KSR1: variants seen among roughly 807,000 people sequenced by gnomAD.
KSR1 encodes kinase suppressor of ras 1, also known as kinase suppressor of ras.
A neutral mutation model predicts 92.9 loss-of-function variants in KSR1; 35 were observed. The ratio of observed to expected loss-of-function variants is 0.38; its 90% CI spans 0.29 to 0.50. The LOEUF is 0.50. Ranked by LOEUF, KSR1 falls within the 20% of genes least tolerant of loss-of-function variation. KSR1 has a pLI of 0.94. For missense variants in KSR1, 972 were observed against 1,158.5 expected, an observed-to-expected ratio of 0.84 and a Z score of 2.34; for synonymous variants, 467 against 472.6, an observed-to-expected ratio of 0.99 and a Z score of 0.15.
In KSR1 at chr17:27,611,539, C is replaced by T. The variant is rs1482690662; in HGVS notation, c.2403C>T (p.Asn801=). 5.0e-6 allele frequency: 8 copies of T among 1,613,778 alleles called. No homozygotes were observed. Among genetic ancestry groups the T allele is most frequent in the Non-Finnish European group, 6.8e-6 (8 of 1,179,814 alleles). The change falls in exon 18 of 21, where the codon AAC becomes AAT. Residue 801 remains asparagine (N), a synonymous_variant. Transcript: ENST00000644974. ...AAGCAAGAGACTGGCCCTTGAAGAA[C>T]CAGGCTGCAGAGGCATCCATCTGGC... ...ELQARDWPLK[N]QAAEASIWQI...
chr17:27,548,567 T>A (rs192511614), intron 1 of KSR1, among the ~76,000 whole-genome samples: 1 of 151,932 alleles, frequency 6.6e-6, no homozygotes, highest in Non-Finnish European at 1.5e-5. Context: ...TGCTGGCTCA[T>A]GCCTGTAATC....
chr17:27,623,032 AC>A, intron 20 of KSR1: 1 of 488,498 alleles, frequency 2.0e-6, no homozygotes, highest in Non-Finnish European at 3.6e-6. Flanking sequence ...AAATGAGAAA[AC>A]AATTCCTAGG....
intron 2 of KSR1, chr17:27,560,213 G>C (rs1289352677): frequency 2.9e-6 from 1 of 343,228 alleles, no homozygotes; most frequent in Non-Finnish European, 5.7e-6. Context: ...AAAAGTCTCA[G>C]CTTCATATTC....
intron 1 of KSR1, among the ~76,000 whole-genome samples, chr17:27,479,895 G>A (rs2068461564): frequency 6.6e-6 from 1 of 152,140 alleles, no homozygotes; most frequent in Non-Finnish European, 1.5e-5. Context: ...TGTGCTGCGG[G>A]GGCACCTGGG....
chr17:27,460,408 C>A (rs1005424145), intron 1 of KSR1, among the ~76,000 whole-genome samples: 27 of 152,204 alleles, frequency 1.8e-4, no homozygotes, highest in African/African-American at 6.0e-4. Flanking sequence ...TGAGTCTCCC[C>A]ACCTTGTGTT....
intron 1 of KSR1, among the ~76,000 whole-genome samples, chr17:27,458,860 G>T (rs185633040): frequency 1.6e-4 from 25 of 152,296 alleles, no homozygotes; most frequent in African/African-American, 6.0e-4. Flanking sequence ...GGAGGCCTCA[G>T]CCTCCTCACC....
chr17:27,489,765 T>TGAA (rs1555568380), intron 1 of KSR1, among the ~76,000 whole-genome samples: 1 of 151,706 alleles, frequency 6.6e-6, no homozygotes, highest in East Asian at 1.9e-4. Flanking sequence ...GGCTGTGAAA[T>TGAA]GAGACCAGAT....
In KSR1 at chr17:27,609,341, T is replaced by A; in HGVS notation, c.2225+12T>A. 1 of 1,613,700 alleles carries A rather than the reference T, an allele frequency of 6.2e-7. No homozygotes were observed. Among genetic ancestry groups the A allele is most frequent in the Non-Finnish European group, 8.5e-7 (1 of 1,179,666 alleles). On this transcript the variant is annotated intron_variant, in intron 16 of 20. Coordinates refer to ENST00000644974, the MANE Select transcript of KSR1 (RefSeq NM_001394583.1). ...GTCCGAGAGGGACGGTGAGTTGGTC[T>A]TGAGTGTCTGGGTGGGTTGTGGGTG...
intron 1 of KSR1, among the ~76,000 whole-genome samples, chr17:27,530,553 G>A (rs985234367): frequency 1.5e-4 from 23 of 152,164 alleles, no homozygotes; most frequent in African/African-American, 4.6e-4. Context: ...CAAATAGTAC[G>A]TCTACCGTGG....
At chr17:27,530,674 C>A (rs946070535) in intron 1 of KSR1, among the ~76,000 whole-genome samples, 2 of 152,138 alleles carry the variant, frequency 1.3e-5, no homozygotes, top group Non-Finnish European at 2.9e-5. Context: ...AAAATCAGTA[C>A]GCAGTAATTA....
intron 11 of KSR1, among the ~76,000 whole-genome samples, chr17:27,601,647 A>C (rs567319218): frequency 6.6e-6 from 1 of 152,330 alleles, no homozygotes; most frequent in Admixed American, 6.5e-5. Context: ...GCCTCTTGGC[A>C]CAGAGACTGC....
rs539070731 is a variant in KSR1 at position 27,461,071 on chromosome 17, G to GT, written c.231+4203dup. The stretch of plus-strand genomic sequence containing the variant: ...CCTCCTGGTTTTTTTGTTTTGTTTT[G>GT]TTTTTTGTTTTTGTTTTTGTTTTTC... On this transcript the variant is annotated intron_variant, in intron 1 of 20. Transcript: ENST00000644974. Among the ~76,000 whole-genome samples the GT allele has an allele frequency of 2.7e-4, 41 of 152,048 alleles. No homozygotes were observed. The East Asian group carries it at 5.0e-3, about 19-fold the overall frequency.
chr17:27,602,757 C>T (rs890738405), intron 11 of KSR1, among the ~76,000 whole-genome samples: 3 of 152,250 alleles, frequency 2.0e-5, no homozygotes, highest in African/African-American at 4.8e-5. Flanking sequence ...GAGGCCTTAC[C>T]GGTAGAGGCT....
At chr17:27,595,257 A>T (rs918630547) in intron 9 of KSR1, among the ~76,000 whole-genome samples, 3 of 152,164 alleles carry the variant, frequency 2.0e-5, no homozygotes, top group Non-Finnish European at 4.4e-5. Context: ...CTAATGTAGA[A>T]TCCCCCTGGA....
At chr17:27,493,780 G>A (rs572661877) in intron 1 of KSR1, among the ~76,000 whole-genome samples, 1 of 152,178 alleles carries the variant, frequency 6.6e-6, no homozygotes, top group South Asian at 2.1e-4. Context: ...TAATGGGGTC[G>A]TGAGACCATT....
chr17:27,473,908 C>A (rs1238982903), intron 1 of KSR1, among the ~76,000 whole-genome samples: 1 of 152,078 alleles, frequency 6.6e-6, no homozygotes, highest in African/African-American at 2.4e-5. Flanking sequence ...ACTCTTCCAG[C>A]TGCATCTTTG....
intron 1 of KSR1, among the ~76,000 whole-genome samples, chr17:27,526,082 TTCTTTCTTTCTTTC>T (rs1234913908): frequency 1.1e-5 from 1 of 89,272 alleles, no homozygotes; most frequent in Admixed American, 1.2e-4. Flanking sequence ...CTTTCTTTCT[TTCTTTCTTTCTTTC>T]TCTCTCTCTC....
At chr17:27,584,861 C>A (rs1413461167) in intron 4 of KSR1, among the ~76,000 whole-genome samples, 1 of 152,194 alleles carries the variant, frequency 6.6e-6, no homozygotes, top group Non-Finnish European at 1.5e-5. Context: ...GCCTGACTCT[C>A]CTTTCAGGGG....
At chr17:27,593,683 G>A (rs567133486) in intron 9 of KSR1, among the ~76,000 whole-genome samples, 1 of 152,232 alleles carries the variant, frequency 6.6e-6, no homozygotes, top group Non-Finnish European at 1.5e-5. Context: ...TTTCCCTCTG[G>A]TGGTAGCTTC....
Sources: gnomAD v4.1 joint callset for allele counts (sites outside exome capture counted in the v4.1 genomes callset) on GRCh38, gnomAD v4.1.1 for gene constraint, MANE v1.5 for transcripts, NCBI Gene and HGNC (gene_info 2026-07-23, HGNC 2026-07-21) for gene names.